RNF123: variants seen among roughly 807,000 people sequenced by gnomAD.
RNF123 encodes the protein ring finger protein 123.
In RNF123, 86 loss-of-function variants were observed where a neutral mutation model predicts 168.5. The observed-to-expected ratio is 0.51, with a 90% CI of 0.43 to 0.61. The LOEUF is 0.61. Ranked by LOEUF, RNF123 falls within the 20% of genes least tolerant of loss-of-function variation. The pLI, the probability that RNF123 is intolerant of heterozygous loss-of-function variation, is 0.00. For synonymous variants in RNF123, 666 were observed against 689.1 expected, an observed-to-expected ratio of 0.97 and a Z score of 0.52; for missense variants, 1,419 against 1,729.7, an observed-to-expected ratio of 0.82 and a Z score of 3.19.
chr3:49,713,666 G>C, intron 28 of RNF123, 72 bp from the exon 29 acceptor site: 1 of 1,571,214 alleles, frequency 6.4e-7, no homozygotes, highest in South Asian at 1.2e-5. Context: ...TGAAAAATGT[G>C]GCCAGGTGGG....
At chr3:49,709,297 A>G (rs1329981795) in intron 26 of RNF123, among the ~76,000 whole-genome samples, 2 of 148,150 alleles carry the variant, frequency 1.3e-5, no homozygotes, top group African/African-American at 5.0e-5. Context: ...ACGCCCAGCT[A>G]ATTTTGTATT....
At chr3:49,697,072 G>A in intron 3 of RNF123, 71 bp from the exon 4 acceptor site, 1 of 1,303,406 alleles carries the variant, frequency 7.7e-7, no homozygotes, top group Non-Finnish European at 1.1e-6. Flanking sequence ...TCAGGGGAAA[G>A]GATGGGATTT....
intron 21 of RNF123, 150 bp downstream of exon 21, chr3:49,703,678 C>A: frequency 1.6e-6 from 1 of 617,408 alleles, no homozygotes; most frequent in East Asian, 2.9e-5. Flanking sequence ...CACTGATCTG[C>A]CTGCCCTACA....
At chr3:49,693,044 T>A (rs1271029648) in intron 3 of RNF123, among the ~76,000 whole-genome samples, 1 of 152,038 alleles carries the variant, frequency 6.6e-6, no homozygotes, top group East Asian at 1.9e-4. Flanking sequence ...TAGTTTTTTT[T>A]TTTTTGAAAA....
chr3:49,715,465 A>G, intron 31 of RNF123, 110 bp from the exon 32 acceptor site: 1 of 1,320,194 alleles, frequency 7.6e-7, no homozygotes, highest in East Asian at 2.4e-5. Context: ...ATTCCTAGGG[A>G]GCCATCTTTC....
At chr3:49,712,034 G>A (rs2080153210) in intron 26 of RNF123, among the ~76,000 whole-genome samples, 1 of 152,008 alleles carries the variant, frequency 6.6e-6, no homozygotes, top group Non-Finnish European at 1.5e-5. Context: ...AGACCAGCCT[G>A]GCCAACATGG....
intron 20 of RNF123, 53 bp from the exon 21 acceptor site, chr3:49,703,374 G>T: frequency 6.9e-7 from 1 of 1,449,626 alleles, no homozygotes; most frequent in Non-Finnish European, 9.6e-7. Flanking sequence ...GCTGTGGGGA[G>T]GGTCTTCCTA....
At chr3:49,698,291 C>A in intron 7 of RNF123, 149 bp from the exon 8 acceptor site, 2 of 913,326 alleles carry the variant, frequency 2.2e-6, no homozygotes, top group South Asian at 1.6e-5. Flanking sequence ...CAATCCCAGG[C>A]ACCCCAGCTC....
intron 24 of RNF123, 149 bp from the exon 25 acceptor site, chr3:49,705,833 C>T (rs556278480): frequency 1.2e-5 from 17 of 1,432,062 alleles, no homozygotes; most frequent in Non-Finnish European, 1.5e-5. Context: ...CTCCTGCTGC[C>T]TCAGTCTGAC....
chr3:49,690,783 G>A (rs1186307091), intron 1 of RNF123, among the ~76,000 whole-genome samples: 2 of 152,234 alleles, frequency 1.3e-5, no homozygotes, highest in South Asian at 2.1e-4. Flanking sequence ...GGATACAGGG[G>A]CTCTGCCCCT....
At chr3:49,708,038 C>A (rs11709749) in intron 26 of RNF123, among the ~76,000 whole-genome samples, 1 of 152,108 alleles carries the variant, frequency 6.6e-6, no homozygotes, top group African/African-American at 2.4e-5. Flanking sequence ...CCAGGCTGGA[C>A]TGCAATGGCA....
At position 49,699,674 on chromosome 3, in the gene RNF123, C is replaced by T. The variant is rs372770015; in HGVS notation, c.886C>T (p.Arg296Trp). Reference sequence around the variant, plus strand: ...CTCCTCCCCCTCCACACAGGAGGGGCGGCTGTTGGACAAGGAGAGCTCCAA... The same window carrying T: ...CTCCTCCCCCTCCACACAGGAGGGGTGGCTGTTGGACAAGGAGAGCTCCAA... ...LSVELDPVEG[R>W]LLDKESSKWR... is the part of the protein sequence containing the mutation. Residue 296 changes from arginine (R) to tryptophan (W), a missense_variant, in exon 12 of 39, where the codon CGG (arginine) becomes TGG (tryptophan). Arg to Trp is a moderately radical substitution (Grantham distance 101). Transcript: ENST00000327697. The surrounding 1 kb of genome is among the most constrained non-coding windows in gnomAD (Gnocchi z 4.8). 128 of 1,613,662 alleles carry T rather than the reference C, an allele frequency of 7.9e-5. No individual in the cohort carries two copies. Among genetic ancestry groups the T allele is most frequent in the Middle Eastern group, 1.6e-4 (1 of 6,068 alleles).
chr3:49,704,173 G>A (rs533332550), intron 21 of RNF123, among the ~76,000 whole-genome samples: 4 of 151,954 alleles, frequency 2.6e-5, no homozygotes, highest in Middle Eastern at 3.4e-3. Context: ...GGGGGGCAGC[G>A]AAGGCGGGGT....
At chr3:49,706,261 C>T (rs2054517006) in intron 25 of RNF123, among the ~76,000 whole-genome samples, 196 bp downstream of exon 25, 1 of 152,200 alleles carries the variant, frequency 6.6e-6, no homozygotes, top group African/African-American at 2.4e-5. Context: ...GTGCCCCCCA[C>T]CCCCTGGGCC....
intron 3 of RNF123, among the ~76,000 whole-genome samples, chr3:49,696,802 A>G (rs1271225567): frequency 1.3e-5 from 2 of 150,182 alleles, no homozygotes; most frequent in Non-Finnish European, 2.9e-5. Flanking sequence ...ATGCGCCACC[A>G]CACTCAGCTA....
In RNF123 at chr3:49,721,176, C is replaced by T. The variant is rs2080397678; in HGVS notation, c.3825-9C>T. 6.2e-7 allele frequency: 1 copy of T among 1,614,002 alleles called. No homozygotes were observed. Among genetic ancestry groups the T allele is most frequent in the Non-Finnish European group, 8.5e-7 (1 of 1,179,948 alleles). On this transcript the variant is annotated splice_polypyrimidine_tract_variant and intron_variant, in intron 38 of 38. Transcript: ENST00000327697. ...TGCAGGGCAGTCCTCATCCCCTCCC[C>T]TGTTGTAGAGCCTGTATCAACCAGC...
At chr3:49,714,031 G>A (rs1440178686) in intron 30 of RNF123, 34 bp downstream of exon 30, 1 of 1,613,812 alleles carries the variant, frequency 6.2e-7, no homozygotes, top group Non-Finnish European at 8.5e-7. Flanking sequence ...GGCTGAGGCT[G>A]GCTGGAGGGA....
At position 49,714,178 on chromosome 3, in the gene RNF123, A is replaced by G. The variant is rs2080196892; in HGVS notation, c.3010+4A>G. The G allele has an allele frequency of 6.2e-7, 1 of 1,613,916 alleles. No individual in the cohort carries two copies. Among genetic ancestry groups the G allele is most frequent in the South Asian group, 1.1e-5 (1 of 91,070 alleles). ...GCCAATTTGCCCAGCCTCCAGAGTG[A>G]GTATCTGGGTTGGGCGAGTCCTGGG... is the stretch of plus-strand genomic sequence containing the variant. On this transcript the variant is annotated splice_donor_region_variant and intron_variant, in intron 31 of 38. Transcript: ENST00000327697.
intron 24 of RNF123, 74 bp from the exon 25 acceptor site, chr3:49,705,907 GT>G: frequency 6.5e-7 from 1 of 1,530,558 alleles, no homozygotes; most frequent in Admixed American, 1.7e-5. Context: ...CAGGGCTGGG[GT>G]CCAGACTGGG....
Sources: gnomAD v4.1 joint callset for allele counts (sites outside exome capture counted in the v4.1 genomes callset) on GRCh38, gnomAD v4.1.1 for gene constraint, Gnocchi (gnomAD v3.1) non-coding constraint, MANE v1.5 for transcripts, NCBI Gene and HGNC (gene_info 2026-07-23, HGNC 2026-07-21) for gene names.